ARHGEF38: variants seen among roughly 807,000 people sequenced by gnomAD.
ARHGEF38 encodes the protein Rho guanine nucleotide exchange factor (GEF) 38.
A neutral mutation model predicts 79.9 loss-of-function variants in ARHGEF38; 79 were observed. That is an observed-to-expected ratio of 0.99 (90% confidence interval 0.82 to 1.19). ARHGEF38 has a LOEUF of 1.19. Ranked by LOEUF, ARHGEF38 falls within the 50% of genes most tolerant of loss-of-function variation. The pLI is 0.00. For missense variants in ARHGEF38, 962 were observed against 907.2 expected, an observed-to-expected ratio of 1.06 and a Z score of -0.78; for synonymous variants, 366 against 328.3, an observed-to-expected ratio of 1.11 and a Z score of -1.24.
At chr4:105,610,781 G>T (rs11946450) in intron 2 of ARHGEF38, among the ~76,000 whole-genome samples, 2,891 of 152,042 alleles carry the variant, frequency 0.019, 72 homozygotes, top group African/African-American at 0.058. Flanking sequence ...TAGTATTTGT[G>T]GCACTAAGCT....
At chr4:105,595,786 A>G in intron 2 of ARHGEF38, among the ~76,000 whole-genome samples, 1 of 152,180 alleles carries the variant, frequency 6.6e-6, no homozygotes, top group South Asian at 2.1e-4. Context: ...TGCCATCTAA[A>G]TTGTTGTTAT....
At chr4:105,676,879 G>A (rs1393078821) in intron 13 of ARHGEF38, among the ~76,000 whole-genome samples, 1 of 151,700 alleles carries the variant, frequency 6.6e-6, no homozygotes, top group African/African-American at 2.4e-5. Flanking sequence ...CTAATTTTAT[G>A]TTCTTTTTAA....
chr4:105,611,849 T>G (rs573660567), intron 2 of ARHGEF38, among the ~76,000 whole-genome samples: 1 of 152,202 alleles, frequency 6.6e-6, no homozygotes, highest in Non-Finnish European at 1.5e-5. Flanking sequence ...AGTTGTCTAA[T>G]CCTATATTGA....
chr4:105,602,044 T>C (rs1727844678), intron 2 of ARHGEF38, among the ~76,000 whole-genome samples: 1 of 151,986 alleles, frequency 6.6e-6, no homozygotes, highest in African/African-American at 2.4e-5. Flanking sequence ...GAAAAAGAAA[T>C]GAGTGGATGA....
intron 10 of ARHGEF38, among the ~76,000 whole-genome samples, chr4:105,663,533 A>G (rs184735309): frequency 6.6e-6 from 1 of 152,256 alleles, no homozygotes; most frequent in Admixed American, 6.5e-5. Flanking sequence ...TACTTTAAAT[A>G]CCTCATGTAA....
intron 13 of ARHGEF38, among the ~76,000 whole-genome samples, chr4:105,677,088 T>C (rs1002834898): frequency 6.6e-6 from 1 of 151,810 alleles, no homozygotes; most frequent in Admixed American, 6.6e-5. Flanking sequence ...CTCAGCCTCC[T>C]GAGTAGCTGG....
intron 1 of ARHGEF38, among the ~76,000 whole-genome samples, chr4:105,576,115 G>A (rs1274967582): frequency 1.3e-5 from 2 of 151,982 alleles, no homozygotes; most frequent in Admixed American, 6.6e-5. Context: ...GTTTAGGATC[G>A]CTTTAGTTAT....
At chr4:105,657,350 T>TA (rs1370696463) in intron 9 of ARHGEF38, among the ~76,000 whole-genome samples, 6 of 152,142 alleles carry the variant, frequency 3.9e-5, no homozygotes, top group Non-Finnish European at 8.8e-5. Context: ...TAGGCTAAGT[T>TA]AAAAAAATTG....
chr4:105,645,210 A>G lies in ARHGEF38; in HGVS notation c.697A>G (p.Met233Val), dbSNP rs888538054. ...TAGAGGCAAACCAAACTTATTGGAC[A>G]TGGGCTCTTTGATGATCAAACCAAT... ...MQEGKPNLLDMGSLMIKPIQR... is the reference protein window; with the variant it reads ...MQEGKPNLLDVGSLMIKPIQR... Residue 233 changes from methionine (M) to valine (V), a missense_variant, in exon 6 of 14, where the codon ATG becomes GTG. Coordinates refer to ENST00000420470, the MANE Select transcript of ARHGEF38 (RefSeq NM_001242729.2). The G allele has an allele frequency of 7.9e-6, 12 of 1,527,108 alleles. No individual in the cohort carries two copies. The highest frequency in any genetic ancestry group is 2.5e-5 in the East Asian group (1 of 40,782). 94.6% of individuals were successfully genotyped at this position (1,527,108 alleles called of 1,614,324 possible).
At chr4:105,672,105 C>T (rs1023747074) in intron 13 of ARHGEF38, among the ~76,000 whole-genome samples, 41 of 152,144 alleles carry the variant, frequency 2.7e-4, no homozygotes, top group African/African-American at 7.9e-4. Flanking sequence ...TATACTAGAG[C>T]TGAATTTTTA....
intron 1 of ARHGEF38, among the ~76,000 whole-genome samples, chr4:105,583,673 T>G (rs1456998977): frequency 6.6e-6 from 1 of 152,212 alleles, no homozygotes; most frequent in Non-Finnish European, 1.5e-5. Context: ...ATTTATGTTC[T>G]TCTTCCCCAA....
chr4:105,573,024 T>C (rs2110425713), intron 1 of ARHGEF38, among the ~76,000 whole-genome samples: 1 of 150,168 alleles, frequency 6.7e-6, no homozygotes, highest in South Asian at 2.1e-4. Context: ...GATGGGACCT[T>C]TGTATATTTT....
At chr4:105,682,072 GA>G (rs1380139668), downstream of ARHGEF38, among the ~76,000 whole-genome samples, 1 of 152,104 alleles carries the variant, frequency 6.6e-6, no homozygotes, top group Non-Finnish European at 1.5e-5. Context: ...GGCAATGTAG[GA>G]AAAGTGAGCA....
chr4:105,667,744 G>T, intron 13 of ARHGEF38, 41 bp downstream of exon 13: 2 of 1,532,804 alleles, frequency 1.3e-6, no homozygotes, highest in Non-Finnish European at 1.7e-6. Context: ...TTCAAATCAT[G>T]AAAGAGTATC....
Position 105,679,906 on chromosome 4 carries a change from C to T in ARHGEF38, c.*1969C>T, listed in dbSNP as rs2149172857. ...AACCACGAGGAGCCACATTGGTTGC[C>T]ACCAAAACTTTATAATTACCTCTCT... On this transcript the variant is annotated 3_prime_UTR_variant, in exon 14 of 14. Transcript: ENST00000420470. 1 of 1,425,940 alleles carries T rather than the reference C, an allele frequency of 7.0e-7. No individual in the cohort carries two copies. Among genetic ancestry groups the T allele is most frequent in the Non-Finnish European group, 9.9e-7 (1 of 1,013,216 alleles). The allele number at this position is 1,425,940 out of a possible 1,614,324, so 88.3% of individuals were successfully genotyped here.
intron 2 of ARHGEF38, among the ~76,000 whole-genome samples, chr4:105,590,656 TAAATTCCTAG>T (rs1213121069): frequency 6.6e-6 from 1 of 152,228 alleles, no homozygotes; most frequent in Non-Finnish European, 1.5e-5. Context: ...ATCCTTAGAA[TAAATTCCTAG>T]AAATTAATTG....
chr4:105,628,399 A>C (rs1729040511), intron 3 of ARHGEF38, among the ~76,000 whole-genome samples: 1 of 152,184 alleles, frequency 6.6e-6, no homozygotes, highest in Admixed American at 6.5e-5. Context: ...CCTCCCAGCC[A>C]AAGCCACTAG....
intron 6 of ARHGEF38, among the ~76,000 whole-genome samples, 180 bp downstream of exon 6, chr4:105,645,567 T>G (rs1729804347): frequency 6.6e-6 from 1 of 152,176 alleles, no homozygotes; most frequent in Non-Finnish European, 1.5e-5. Context: ...AAGGAGAAGA[T>G]TAAGAGGCAC....
intron 7 of ARHGEF38, among the ~76,000 whole-genome samples, chr4:105,653,546 C>A (rs555187446): frequency 6.8e-4 from 104 of 152,286 alleles, no homozygotes; most frequent in African/African-American, 2.4e-3. Flanking sequence ...TGGACTCGAA[C>A]TCCTGACCTC....
Sources: allele counts gnomAD v4.1 joint callset (sites outside exome capture counted in the v4.1 genomes callset), GRCh38; gene constraint gnomAD v4.1.1; transcripts MANE v1.5; gene names NCBI Gene and HGNC (gene_info 2026-07-23, HGNC 2026-07-21).